MAGI2: variants seen among roughly 807,000 people sequenced by gnomAD.
MAGI2 encodes the protein membrane associated guanylate kinase, WW and PDZ domain containing 2.
A neutral mutation model predicts 133.3 loss-of-function variants in MAGI2; 35 were observed. That is an observed-to-expected ratio of 0.26 (90% CI 0.20 to 0.35). The LOEUF (loss-of-function observed/expected upper bound fraction) is 0.35. Ranked by LOEUF, MAGI2 falls within the 10% of genes least tolerant of loss-of-function variation. The probability of loss-of-function intolerance (pLI) is 1.00; values close to 1 mark genes in which losing one functional copy is unlikely to be tolerated. For synonymous variants in MAGI2, 729 were observed against 710.6 expected, an observed-to-expected ratio of 1.03 and a Z score of -0.41; for missense variants, 1,636 against 1,863.4, an observed-to-expected ratio of 0.88 and a Z score of 2.25.
At chr7:78,614,108 TAAA>T (rs10558658) in intron 3 of MAGI2, among the ~76,000 whole-genome samples, 167 of 147,302 alleles carry the variant, frequency 1.1e-3, no homozygotes, top group Middle Eastern at 3.5e-3. Context: ...AGACTTCATC[TAAA>T]AAAAAAAAAA....
chr7:79,119,504 A>G (rs990925118), intron 1 of MAGI2, among the ~76,000 whole-genome samples: 12 of 152,250 alleles, frequency 7.9e-5, no homozygotes, highest in Non-Finnish European at 1.6e-4. Flanking sequence ...ATCACATCAA[A>G]TGGATGAAAA....
At chr7:78,551,869 T>G (rs1023069043) in intron 3 of MAGI2, among the ~76,000 whole-genome samples, 2 of 152,124 alleles carry the variant, frequency 1.3e-5, no homozygotes, top group Non-Finnish European at 2.9e-5. Flanking sequence ...CTCAGCCTCC[T>G]GAGTAGTTGG....
Position 78,019,534 on chromosome 7 carries a change from C to G in MAGI2, c.4149G>C (p.Pro1383=). ...AGSELCRREG[P]GAAPAFAGPG... ...GGCCGGCAAACGCCGGCGCAGCCCCCGGGCCTTCGCGCCGGCAGAGCTCGG... is the reference window on the plus strand; with the variant it reads ...GGCCGGCAAACGCCGGCGCAGCCCCGGGGCCTTCGCGCCGGCAGAGCTCGG... Residue 1383 remains proline (P), a synonymous_variant, in exon 22 of 22, where the codon CCG becomes CCC. Coordinates refer to ENST00000354212, the MANE Select transcript of MAGI2 (RefSeq NM_012301.4). 2 of 980,400 alleles carry G rather than the reference C, an allele frequency of 2.0e-6. No homozygotes were observed. Among genetic ancestry groups the G allele is most frequent in the Non-Finnish European group, 2.4e-6 (2 of 828,120 alleles). The allele number at this position is 980,400 out of a possible 1,614,324, so 60.7% of individuals were successfully genotyped here.
chr7:78,795,419 C>T (rs1182512558), intron 2 of MAGI2, among the ~76,000 whole-genome samples: 1 of 151,840 alleles, frequency 6.6e-6, no homozygotes, highest in Non-Finnish European at 1.5e-5. Context: ...TAACAATGAT[C>T]AATCTGCAGA....
At chr7:79,226,873 A>T (rs768360535) in intron 1 of MAGI2, among the ~76,000 whole-genome samples, 3 of 152,192 alleles carry the variant, frequency 2.0e-5, no homozygotes, top group Non-Finnish European at 4.4e-5. Context: ...TCTCATTAAA[A>T]ATACAAAATG....
intron 9 of MAGI2, among the ~76,000 whole-genome samples, chr7:78,288,461 CTTGTT>C (rs1796370521): frequency 6.6e-6 from 1 of 152,116 alleles, no homozygotes; most frequent in Non-Finnish European, 1.5e-5. Flanking sequence ...CCCTAGGTTC[CTTGTT>C]TTAATTCTTC....
intron 1 of MAGI2, among the ~76,000 whole-genome samples, chr7:79,329,192 G>A (rs1333343523): frequency 1.3e-5 from 2 of 152,154 alleles, no homozygotes; most frequent in East Asian, 3.9e-4. Context: ...GAAACTTATA[G>A]TTTGAGAATC....
At chr7:79,077,279 C>A (rs561634650) in intron 1 of MAGI2, among the ~76,000 whole-genome samples, 2 of 152,064 alleles carry the variant, frequency 1.3e-5, no homozygotes, top group South Asian at 4.1e-4. Flanking sequence ...CTTTTTTGGG[C>A]CGGCGCGGTG....
chr7:78,738,625 T>C (rs1451645097), intron 2 of MAGI2, among the ~76,000 whole-genome samples: 1 of 152,332 alleles, frequency 6.6e-6, no homozygotes, highest in Non-Finnish European at 1.5e-5. Flanking sequence ...GTAATGAATT[T>C]ATTAGCAGTT....
In MAGI2 at chr7:78,506,671, C is replaced by G. The variant is rs576846422; in HGVS notation, c.755-4884G>C. On this transcript the variant is annotated intron_variant, in intron 4 of 21. Coordinates refer to ENST00000354212, the MANE Select transcript of MAGI2 (RefSeq NM_012301.4). ...TGGCCAAAGCTTCTGCACAGTCCAG[C>G]AAGACAAGGACATAAAATCTGTAGA... 7.2e-5 allele frequency among the ~76,000 whole-genome samples: 11 copies of G among 152,284 alleles called. No homozygotes were observed. In the South Asian group the frequency reaches 1.2e-3, roughly 17 times the overall value.
At chr7:79,273,230 G>A (rs1835002942) in intron 1 of MAGI2, among the ~76,000 whole-genome samples, 1 of 95,566 alleles carries the variant, frequency 1.0e-5, no homozygotes, top group South Asian at 3.1e-4. Flanking sequence ...CCTTAAGATG[G>A]TAGGCCAAAA....
At chr7:79,271,684 G>A (rs1397189541) in intron 1 of MAGI2, among the ~76,000 whole-genome samples, 1 of 114,132 alleles carries the variant, frequency 8.8e-6, no homozygotes, top group Non-Finnish European at 1.9e-5. Context: ...TTTTTTTTGT[G>A]AAGACTGTTG....
chr7:79,049,684 G>T (rs943739720), intron 1 of MAGI2, among the ~76,000 whole-genome samples: 3 of 151,154 alleles, frequency 2.0e-5, no homozygotes, highest in South Asian at 4.2e-4. Context: ...TTATTTTTAT[G>T]TTTTTTATTC....
intron 2 of MAGI2, among the ~76,000 whole-genome samples, chr7:78,723,913 G>A (rs941655915): frequency 7.9e-5 from 12 of 152,118 alleles, no homozygotes; most frequent in Non-Finnish European, 1.3e-4. Context: ...AGCCACACTC[G>A]GGAATAACAT....
chr7:78,163,428 C>A (rs891923613), intron 15 of MAGI2, among the ~76,000 whole-genome samples: 5 of 152,090 alleles, frequency 3.3e-5, no homozygotes, highest in African/African-American at 9.7e-5. Flanking sequence ...CGTGAGCCAC[C>A]GTGCCTGGCC....
intron 2 of MAGI2, among the ~76,000 whole-genome samples, chr7:78,640,669 C>A (rs1810196647): frequency 6.6e-6 from 1 of 152,246 alleles, no homozygotes; most frequent in African/African-American, 2.4e-5. Flanking sequence ...CAGCATCCTA[C>A]CCCTCACGGG....
intron 7 of MAGI2, among the ~76,000 whole-genome samples, chr7:78,364,716 A>G (rs1458867547): frequency 6.6e-6 from 1 of 152,238 alleles, no homozygotes. Context: ...TGTAACTGCC[A>G]TTAAAACCAA....
chr7:78,691,441 C>G (rs1186464459), intron 2 of MAGI2, among the ~76,000 whole-genome samples: 1 of 152,058 alleles, frequency 6.6e-6, no homozygotes, highest in Non-Finnish European at 1.5e-5. Context: ...ACAGCAATTA[C>G]TGAGAAAATG....
chr7:79,407,493 G>T (rs1049160661), intron 1 of MAGI2, among the ~76,000 whole-genome samples: 11 of 152,024 alleles, frequency 7.2e-5, no homozygotes, highest in Non-Finnish European at 7.4e-5. Flanking sequence ...AAGTTAGCAG[G>T]ATCACCTGAA....
Sources: gnomAD v4.1 joint callset for allele counts (sites outside exome capture counted in the v4.1 genomes callset) on GRCh38, gnomAD v4.1.1 for gene constraint, MANE v1.5 for transcripts, NCBI Gene and HGNC (gene_info 2026-07-23, HGNC 2026-07-21) for gene names.